The following NAV1 variants were observed in gnomAD, a reference collection of about 807,000 sequenced individuals.
NAV1 encodes neuron navigator 1.
NAV1 carries 18 observed loss-of-function variants against 175.2 expected under a neutral mutation model. The observed-to-expected ratio is 0.10, with a 90% CI of 0.07 to 0.15. The LOEUF (loss-of-function observed/expected upper bound fraction) is 0.15. Ranked by LOEUF, NAV1 falls within the 10% of genes least tolerant of loss-of-function variation. The pLI is 1.00. For synonymous variants in NAV1, 897 were observed against 978.7 expected, an observed-to-expected ratio of 0.92 and a Z score of 1.56; for missense variants, 1,731 against 2,436.6, an observed-to-expected ratio of 0.71 and a Z score of 6.10.
intron 28 of NAV1, among the ~76,000 whole-genome samples, chr1:201,816,602 T>C (rs537653492): frequency 6.6e-6 from 1 of 152,174 alleles, no homozygotes; most frequent in South Asian, 2.1e-4. Context: ...TACCAACTTA[T>C]TTCCTTGTTT....
At chr1:201,596,806 G>T (rs761019124) in intron 2 of NAV1, among the ~76,000 whole-genome samples, 2 of 150,334 alleles carry the variant, frequency 1.3e-5, no homozygotes, top group Non-Finnish European at 3.0e-5. Context: ...TTTTTAGTTT[G>T]TTTGTTTTTT....
chr1:201,783,836 G>A (rs1676511913), exon 7 of NAV1: 6 of 1,611,776 alleles, frequency 3.7e-6, no homozygotes, highest in African/African-American at 1.3e-5. Flanking sequence ...AAGCCCCAGA[G>A]CTGGGCAACT....
chr1:201,789,868 TTG>T, intron 11 of NAV1, 76 bp downstream of exon 15: 1 of 1,435,686 alleles, frequency 7.0e-7, no homozygotes, highest in African/African-American at 1.4e-5. Context: ...CTCCTTGGAG[TTG>T]GGTAACTGGG....
chr1:201,731,563 C>G (rs977972276), intron 3 of NAV1, among the ~76,000 whole-genome samples: 6 of 152,160 alleles, frequency 3.9e-5, no homozygotes, highest in African/African-American at 1.2e-4. Context: ...TGGGGCATCT[C>G]CAGCTTGGGA....
At chr1:201,595,221 T>G (rs935934394) in intron 2 of NAV1, among the ~76,000 whole-genome samples, 11 of 152,230 alleles carry the variant, frequency 7.2e-5, no homozygotes, top group Admixed American at 2.0e-4. Context: ...AGCCTGCTTA[T>G]TTGGGTTCAA....
chr1:201,623,005 C>T, exon 1 of NAV1: 1 of 986,182 alleles, frequency 1.0e-6, no homozygotes, highest in African/African-American at 1.7e-5. Context: ...CCAGCTGCGG[C>T]CACGCCAGGC....
Position 201,688,069 on chromosome 1 carries a change from A to ACTAAATTCTTTGG in NAV1, c.758-24745_758-24733dup, listed in dbSNP as rs562156102. ...ACTTGGTTGTAAGTTTTATTTAAAC[A>ACTAAATTCTTTGG]CTAAATTCTTTGGCTGTGCACTCAG... On this transcript the variant is annotated intron_variant, in intron 1 of 29. Transcript: ENST00000367296. 5.4e-4 allele frequency among the ~76,000 whole-genome samples: 82 copies of ACTAAATTCTTTGG among 152,380 alleles called. No homozygotes were observed. The East Asian group carries it at 0.015, about 28-fold the overall frequency.
chr1:201,725,720 C>G (rs1672579313), intron 3 of NAV1, among the ~76,000 whole-genome samples: 1 of 151,642 alleles, frequency 6.6e-6, no homozygotes, highest in South Asian at 2.1e-4. Flanking sequence ...CTTTGGGAGT[C>G]CAGGGAGAGA....
At chr1:201,815,750 AT>A (rs1406127558) in intron 28 of NAV1, among the ~76,000 whole-genome samples, 3 of 152,184 alleles carry the variant, frequency 2.0e-5, no homozygotes, top group East Asian at 3.9e-4. Context: ...ATTTATTTGT[AT>A]TTTTGAGACG....
intron 2 of NAV1, among the ~76,000 whole-genome samples, chr1:201,589,815 C>T (rs907281263): frequency 6.6e-6 from 1 of 151,426 alleles, no homozygotes; most frequent in African/African-American, 2.4e-5. Context: ...TGTCTGAGCA[C>T]ATATTATGGG....
intron 2 of NAV1, among the ~76,000 whole-genome samples, chr1:201,641,305 T>G (rs1285958131): frequency 2.0e-5 from 3 of 152,182 alleles, no homozygotes; most frequent in African/African-American, 4.8e-5. Flanking sequence ...CAAGCCACCA[T>G]CATCTCTCAC....
chr1:201,817,064 A>G, intron 28 of NAV1, 24 bp from the exon 33 acceptor site: 1 of 1,607,612 alleles, frequency 6.2e-7, no homozygotes, highest in East Asian at 2.2e-5. Flanking sequence ...TCCCCACAGT[A>G]ATCATATTTC....
intron 3 of NAV1, chr1:201,737,544 C>G (rs1038439318): frequency 1.3e-5 from 2 of 152,218 alleles, no homozygotes; most frequent in Admixed American, 6.5e-5. Context: ...GTGAGACACA[C>G]AGGGAGGAGG....
At chr1:201,690,983 C>T (rs1380768926) in intron 1 of NAV1, among the ~76,000 whole-genome samples, 1 of 152,208 alleles carries the variant, frequency 6.6e-6, no homozygotes, top group East Asian at 1.9e-4. Flanking sequence ...ATACATTGAT[C>T]CTGTTCTTGA....
At chr1:201,628,100 C>T (rs996154287) in intron 1 of NAV1, among the ~76,000 whole-genome samples, 1 of 149,826 alleles carries the variant, frequency 6.7e-6, no homozygotes, top group African/African-American at 2.5e-5. Flanking sequence ...GATCATACCA[C>T]TGTGCTCCAG....
At chr1:201,664,117 A>AATTCAAATC (rs1213867598) in intron 1 of NAV1, among the ~76,000 whole-genome samples, 1 of 152,242 alleles carries the variant, frequency 6.6e-6, no homozygotes, top group Non-Finnish European at 1.5e-5. Flanking sequence ...GAGAGACCCG[A>AATTCAAATC]ATTCAAATCC....
intron 2 of NAV1, among the ~76,000 whole-genome samples, chr1:201,615,853 C>G (rs931623888): frequency 4.6e-5 from 7 of 152,168 alleles, no homozygotes; most frequent in African/African-American, 1.7e-4. Context: ...TTGTGTGAAG[C>G]ATGGACAATG....
chr1:201,617,070 G>A (rs1227125873), intron 2 of NAV1, among the ~76,000 whole-genome samples: 1 of 152,102 alleles, frequency 6.6e-6, no homozygotes, highest in Non-Finnish European at 1.5e-5. Context: ...CCAGGATGAG[G>A]GAACTAAAGA....
At chr1:201,699,639 C>T (rs1163973659) in intron 1 of NAV1, among the ~76,000 whole-genome samples, 2 of 152,200 alleles carry the variant, frequency 1.3e-5, no homozygotes, top group African/African-American at 4.8e-5. Context: ...CCAAGACAAT[C>T]CTAAGCCAAA....
Sources: allele counts gnomAD v4.1 joint callset (sites outside exome capture counted in the v4.1 genomes callset), GRCh38; gene constraint gnomAD v4.1.1; transcripts MANE v1.5; gene names NCBI Gene and HGNC (gene_info 2026-07-23, HGNC 2026-07-21).